DOK5: variants seen among roughly 807,000 people sequenced by gnomAD.
DOK5 encodes the protein downstream of tyrosine kinase 5.
A neutral mutation model predicts 43.3 loss-of-function variants in DOK5; 27 were observed. That is an observed-to-expected ratio of 0.62 (90% CI 0.46 to 0.86). The LOEUF (loss-of-function observed/expected upper bound fraction) is 0.86. Among genes scored for constraint, DOK5 ranks in the 40% least tolerant of loss-of-function variants. The probability of loss-of-function intolerance (pLI) is 0.00; values close to 1 mark genes in which losing one functional copy is unlikely to be tolerated. For missense variants in DOK5, 373 were observed against 392.9 expected (o/e 0.95, Z 0.43); for synonymous variants, 146 against 140.1 (o/e 1.04, Z -0.30).
chr20:54,498,742 A>G (rs1982487062), intron 1 of DOK5, among the ~76,000 whole-genome samples: 1 of 152,220 alleles, frequency 6.6e-6, no homozygotes, highest in African/African-American at 2.4e-5. Context: ...GTGGGGAAGG[A>G]GAAAATCATG....
intron 1 of DOK5, among the ~76,000 whole-genome samples, chr20:54,523,184 C>T (rs1378492444): frequency 6.6e-6 from 1 of 152,218 alleles, no homozygotes; most frequent in Non-Finnish European, 1.5e-5. Context: ...ATGCATTAAG[C>T]TTTCTGAAAG....
intron 1 of DOK5, among the ~76,000 whole-genome samples, chr20:54,490,975 C>G (rs558181611): frequency 6.6e-6 from 1 of 152,362 alleles, no homozygotes; most frequent in East Asian, 1.9e-4. Context: ...TCTTTGCCAT[C>G]TCACGCTTCC....
In DOK5 at chr20:54,588,736, A is replaced by G; in HGVS notation, c.339A>G (p.Gly113=). 5 of 1,614,110 alleles carry G rather than the reference A, an allele frequency of 3.1e-6. No individual in the cohort carries two copies. Among genetic ancestry groups the G allele is most frequent in the Non-Finnish European group, 4.2e-6 (5 of 1,179,976 alleles). The change falls in exon 4 of 8, where the codon GGA becomes GGG. Residue 113 remains glycine, a synonymous_variant. Coordinates refer to ENST00000262593, the MANE Select transcript of DOK5 (RefSeq NM_018431.5). The part of the protein sequence containing the change: ...WCKVLQMECV[G]TRINDISLGE... ...AAGTACTCCAGATGGAGTGTGTAGG[A>G]ACACGGATCAATGACATCAGCCTTG...
intron 1 of DOK5, among the ~76,000 whole-genome samples, chr20:54,524,889 T>C (rs141530212): frequency 1.3e-5 from 2 of 152,294 alleles, no homozygotes; most frequent in East Asian, 3.9e-4. Context: ...TGGAAAAGGT[T>C]GAGTTTTTGT....
chr20:54,504,468 T>C (rs1276999780), intron 1 of DOK5, among the ~76,000 whole-genome samples: 1 of 152,192 alleles, frequency 6.6e-6, no homozygotes, highest in Admixed American at 6.5e-5. Flanking sequence ...TTTAAAATTA[T>C]TGTTACCCAC....
At chr20:54,555,103 A>C in intron 2 of DOK5, 63 bp downstream of exon 2, 1 of 1,130,708 alleles carries the variant, frequency 8.8e-7, no homozygotes, top group Non-Finnish European at 1.3e-6. Flanking sequence ...GGAATTACTG[A>C]CTGAAAACTT....
At chr20:54,515,331 A>G (rs1600674075) in intron 1 of DOK5, among the ~76,000 whole-genome samples, 1 of 152,154 alleles carries the variant, frequency 6.6e-6, no homozygotes, top group Admixed American at 6.5e-5. Context: ...CTGATTTTAT[A>G]ACTGAATTAT....
intron 1 of DOK5, among the ~76,000 whole-genome samples, chr20:54,514,160 C>T (rs1221827211): frequency 1.3e-5 from 2 of 152,206 alleles, no homozygotes; most frequent in Non-Finnish European, 2.9e-5. Context: ...GGACATGTGG[C>T]TCTGAATACA....
chr20:54,521,053 A>C (rs1983376534), intron 1 of DOK5, among the ~76,000 whole-genome samples: 1 of 151,774 alleles, frequency 6.6e-6, no homozygotes, highest in African/African-American at 2.4e-5. Context: ...GCTCCCTTAC[A>C]TCACCTGGCC....
At chr20:54,613,119 C>G (rs771933865) in intron 6 of DOK5, among the ~76,000 whole-genome samples, 4 of 151,922 alleles carry the variant, frequency 2.6e-5, no homozygotes, top group Non-Finnish European at 4.4e-5. Context: ...CAGATTGATC[C>G]TAGCAATGGC....
chr20:54,569,202 C>T (rs1050614099), intron 2 of DOK5, among the ~76,000 whole-genome samples: 4 of 152,230 alleles, frequency 2.6e-5, no homozygotes, highest in East Asian at 1.9e-4. Context: ...TTCAGGCTTC[C>T]GTAGGACACA....
At chr20:54,502,978 C>T (rs1167681245) in intron 1 of DOK5, among the ~76,000 whole-genome samples, 3 of 152,088 alleles carry the variant, frequency 2.0e-5, no homozygotes, top group Non-Finnish European at 4.4e-5. Flanking sequence ...AAATATTCTT[C>T]AAGTTATAAT....
intron 1 of DOK5, among the ~76,000 whole-genome samples, chr20:54,496,623 G>C (rs1411349968): frequency 3.3e-5 from 5 of 151,944 alleles, no homozygotes; most frequent in Non-Finnish European, 7.4e-5. Context: ...AAAATTAGCT[G>C]GGCGTGGTGG....
rs969061273 is a variant in DOK5, at chr20:54,616,387, A to C, written c.735+5864A>C. On this transcript the variant is annotated intron_variant, in intron 6 of 7. Coordinates refer to ENST00000262593, the MANE Select transcript of DOK5 (RefSeq NM_018431.5). ...GACCAACATTTAAAAATTGAGAGCT[A>C]ACACATAAATCTCAGATTTTTATAT... Among the ~76,000 whole-genome samples the C allele has an allele frequency of 9.2e-5, 14 of 152,360 alleles. No individual in the cohort carries two copies. The East Asian group carries it at 2.5e-3, about 27-fold the overall frequency.
At position 54,527,478 on chromosome 20, in the gene DOK5, G is replaced by A. The variant is rs114382180; in HGVS notation, c.67-27455G>A. On this transcript the variant is annotated intron_variant, in intron 1 of 7. Coordinates refer to ENST00000262593, the MANE Select transcript of DOK5 (RefSeq NM_018431.5). ...TCCACAGCTAAATTCAAATCGAAGA[G>A]CAAACCTCTCAGGTTTGTGTGCTAT... Among the ~76,000 whole-genome samples the A allele has an allele frequency of 4.5e-3, 691 of 152,254 alleles. 5 individuals are homozygous for A. The highest frequency in any genetic ancestry group is 0.016 in the African/African-American group (665 of 41,550).
At chr20:54,586,177 A>G (rs1985798325) in intron 2 of DOK5, among the ~76,000 whole-genome samples, 2 of 152,220 alleles carry the variant, frequency 1.3e-5, no homozygotes, top group African/African-American at 4.8e-5. Context: ...TGGCATCAGT[A>G]TGATTGTTTT....
At chr20:54,534,819 GTTTCTTTC>G (rs112769125) in intron 1 of DOK5, among the ~76,000 whole-genome samples, 10,218 of 150,540 alleles carry the variant, frequency 0.068, 479 homozygotes, top group African/African-American at 0.13. Flanking sequence ...TTGAAAGCAT[GTTTCTTTC>G]TTTCTTTCTT....
chr20:54,507,613 G>A (rs1357929271), intron 1 of DOK5, among the ~76,000 whole-genome samples: 1 of 152,196 alleles, frequency 6.6e-6, no homozygotes, highest in African/African-American at 2.4e-5. Context: ...CACAGTGCAG[G>A]TGTTGAATGA....
At chr20:54,539,279 CAAAAAAAAA>C (rs57981823) in intron 1 of DOK5, among the ~76,000 whole-genome samples, 8 of 44,750 alleles carry the variant, frequency 1.8e-4, no homozygotes, top group African/African-American at 4.0e-4. Flanking sequence ...GCTCCATCTC[CAAAAAAAAA>C]AAAAAAAAAA....
Sources: allele counts gnomAD v4.1 joint callset (sites outside exome capture counted in the v4.1 genomes callset), GRCh38; gene constraint gnomAD v4.1.1; transcripts MANE v1.5; gene names NCBI Gene and HGNC (gene_info 2026-07-23, HGNC 2026-07-21).